Variants in PLEKHO2 observed in about 807,000 individuals in gnomAD.
PLEKHO2 encodes pleckstrin homology domain-containing family O member 2.
In PLEKHO2, 20 loss-of-function variants were observed where a neutral mutation model predicts 32.7. That is an observed-to-expected ratio of 0.61 (90% CI 0.43 to 0.89). PLEKHO2 has a LOEUF of 0.89. PLEKHO2 is among the 40% of genes least tolerant of loss of function. The probability of loss-of-function intolerance (pLI) is 0.00; values close to 1 mark genes in which losing one functional copy is unlikely to be tolerated. For missense variants in PLEKHO2, 568 were observed against 621.2 expected (o/e 0.91, Z 0.91); for synonymous variants, 247 against 246.3 (o/e 1.00, Z -0.03).
At chr15:64,855,154 G>A in intron 3 of PLEKHO2, 117 bp downstream of exon 3, 1 of 762,356 alleles carries the variant, frequency 1.3e-6, no homozygotes, top group Non-Finnish European at 2.2e-6. Context: ...GTTGCGTGTG[G>A]CTGAGGCTCA....
In PLEKHO2 at chr15:64,861,547, G is replaced by A. The variant is rs762075108; in HGVS notation, c.455G>A (p.Arg152Gln). 4.9e-5 allele frequency: 78 copies of A among 1,606,868 alleles called. No individual in the cohort carries two copies. The highest frequency in any genetic ancestry group is 6.6e-5 in the Non-Finnish European group (78 of 1,177,402). Residue 152 changes from arginine to glutamine, a missense_variant, in exon 5 of 6, where the codon CGG (arginine) becomes CAG (glutamine). Arg to Gln is a conservative substitution (Grantham distance 43). Transcript: ENST00000323544. ...CGGGTGCGAGGGGGCCAGCGACGCC[G>A]GCCACCAACGAGAGTCCACCTGAAG... is the stretch of plus-strand genomic sequence containing the variant. ...RDRVRGGQRR[R>Q]PPTRVHLKEV...
intron 2 of PLEKHO2, among the ~76,000 whole-genome samples, chr15:64,849,772 G>A (rs2084552989): frequency 6.7e-6 from 1 of 148,652 alleles, no homozygotes; most frequent in Non-Finnish European, 1.5e-5. Flanking sequence ...TGTGCATCTA[G>A]TGTGCAAGTC....
intron 3 of PLEKHO2, among the ~76,000 whole-genome samples, chr15:64,856,747 C>T (rs1464333016): frequency 1.3e-5 from 2 of 152,134 alleles, no homozygotes; most frequent in Admixed American, 6.5e-5. Context: ...GCTCAAGGGT[C>T]CCTGACCCTC....
intron 5 of PLEKHO2, among the ~76,000 whole-genome samples, chr15:64,863,513 G>A (rs1056254353): frequency 9.4e-6 from 1 of 106,016 alleles, no homozygotes; most frequent in South Asian, 4.1e-4. Flanking sequence ...CTGTGTGTGT[G>A]TGTGTTTGTG....
chr15:64,843,800 G>A (rs1944180889), intron 1 of PLEKHO2, among the ~76,000 whole-genome samples: 1 of 151,956 alleles, frequency 6.6e-6, no homozygotes, highest in Non-Finnish European at 1.5e-5. Flanking sequence ...GGCTGGTCTC[G>A]AACTCCTGAC....
At chr15:64,849,045 G>C (rs994752354) in intron 2 of PLEKHO2, among the ~76,000 whole-genome samples, 15 of 144,976 alleles carry the variant, frequency 1.0e-4, no homozygotes, top group Non-Finnish European at 1.6e-4. Context: ...GCGAGATCTC[G>C]GATCACTGCA....
intron 1 of PLEKHO2, among the ~76,000 whole-genome samples, chr15:64,844,900 G>A (rs2084511478): frequency 6.6e-6 from 1 of 152,162 alleles, no homozygotes; most frequent in African/African-American, 2.4e-5. Flanking sequence ...CTCTCAAGCA[G>A]GAGATTACCC....
At chr15:64,862,804 T>A (rs1318944451) in intron 5 of PLEKHO2, among the ~76,000 whole-genome samples, 1 of 152,154 alleles carries the variant, frequency 6.6e-6, no homozygotes, top group Non-Finnish European at 1.5e-5. Flanking sequence ...TACTTTAAGT[T>A]TTAGGGTACA....
chr15:64,853,158 A>T (rs1426399238), intron 2 of PLEKHO2, among the ~76,000 whole-genome samples: 1 of 151,584 alleles, frequency 6.6e-6, no homozygotes, highest in Non-Finnish European at 1.5e-5. Flanking sequence ...AAAAACAAAA[A>T]AAATTCGCAT....
chr15:64,853,423 C>T (rs1430440099), intron 2 of PLEKHO2, among the ~76,000 whole-genome samples: 1 of 151,440 alleles, frequency 6.6e-6, no homozygotes, highest in Admixed American at 6.6e-5. Context: ...ACTACAGGTG[C>T]CCGCCACCAC....
intron 5 of PLEKHO2, 129 bp from the exon 6 acceptor site, chr15:64,864,770 A>G: frequency 1.1e-6 from 1 of 940,620 alleles, no homozygotes; most frequent in East Asian, 2.5e-5. Context: ...AAGCCAGGAC[A>G]GAGGGAGGCT....
At chr15:64,863,837 G>A (rs1281240458) in intron 5 of PLEKHO2, among the ~76,000 whole-genome samples, 1 of 150,690 alleles carries the variant, frequency 6.6e-6, no homozygotes. Context: ...TCCGCTTCCA[G>A]GGTTCAAGCA....
In PLEKHO2 at chr15:64,863,924, G is replaced by A. The variant is rs181566226; in HGVS notation, c.484-975G>A. On this transcript the variant is annotated intron_variant, in intron 5 of 5. Coordinates refer to ENST00000323544, the MANE Select transcript of PLEKHO2 (RefSeq NM_025201.5). ...ACACCTGGCTAATTTTGTATTTTTA[G>A]TAGAGACGGGGTTTCTCCATGTTGC... Among the ~76,000 whole-genome samples, 5 of 152,228 alleles carry A rather than the reference G, an allele frequency of 3.3e-5. No homozygotes were observed. The East Asian group carries it at 9.7e-4, about 30-fold the overall frequency.
rs1300068341 is a variant in PLEKHO2, at chr15:64,854,906, T to C, written c.163-15T>C. The C allele has an allele frequency of 3.7e-6, 6 of 1,605,070 alleles. No homozygotes were observed. The South Asian group carries it at 5.5e-5, about 15-fold the overall frequency. ...GACTGTCACCAGCTCATGTCCCTTC[T>C]GTCTCCCTCCCCAGGATGATCAGAA... On this transcript the variant is annotated splice_polypyrimidine_tract_variant and intron_variant, in intron 2 of 5. Coordinates refer to ENST00000323544, the MANE Select transcript of PLEKHO2 (RefSeq NM_025201.5).
intron 2 of PLEKHO2, among the ~76,000 whole-genome samples, chr15:64,854,278 G>A (rs919247200): frequency 2.0e-5 from 3 of 152,196 alleles, no homozygotes; most frequent in African/African-American, 7.2e-5. Flanking sequence ...TAATGATGAG[G>A]CCTCCGAGTG....
At chr15:64,862,518 C>G (rs1453048549) in intron 5 of PLEKHO2, among the ~76,000 whole-genome samples, 1 of 151,954 alleles carries the variant, frequency 6.6e-6, no homozygotes, top group Non-Finnish European at 1.5e-5. Flanking sequence ...GGAGGAGACT[C>G]TTTTAGACCA....
At position 64,859,923 on chromosome 15, in the gene PLEKHO2, C is replaced by T. The variant is rs146324018; in HGVS notation, c.309C>T (p.Thr103=). 2,032 of 1,614,030 alleles carry T rather than the reference C, an allele frequency of 1.3e-3. 4 individuals are homozygous for T. The highest frequency in any genetic ancestry group is 1.6e-3 in the Non-Finnish European group (1,875 of 1,180,014). The part of the protein sequence containing the change: ...KVSDIKFQAP[T]GEEKESWIKA... ...GCGACATCAAATTCCAGGCACCCAC[C>T]GGGGAGGAGAAGGAATCCTGGATCA... Residue 103 remains threonine (T), a synonymous_variant, in exon 4 of 6, where the codon ACC becomes ACT. Coordinates refer to ENST00000323544, the MANE Select transcript of PLEKHO2 (RefSeq NM_025201.5).
rs1282999932 is a variant in PLEKHO2, at chr15:64,842,380, C to CTGTGTG, written c.12+353_12+354insGTGTGT. On this transcript the variant is annotated intron_variant, in intron 1 of 5. Transcript: ENST00000323544. ...ATTACCGTGGTCGGATCCTGACTCT[C>CTGTGTG]TCTCTCTCTCTGTGTGTGTGTGTGT... Among the ~76,000 whole-genome samples, 182 of 33,084 alleles carry CTGTGTG rather than the reference C, an allele frequency of 5.5e-3. 8 individuals are homozygous for CTGTGTG. The highest frequency in any genetic ancestry group is 0.011 in the African/African-American group (172 of 15,962). 21.7% of individuals were successfully genotyped at this position (33,084 alleles called of 152,430 possible).
chr15:64,846,527 C>T (rs552965267), intron 1 of PLEKHO2, among the ~76,000 whole-genome samples: 33 of 152,180 alleles, frequency 2.2e-4, no homozygotes, highest in Non-Finnish European at 3.8e-4. Context: ...TTGGCCAGGC[C>T]GATCTCAAAC....
Sources: allele counts gnomAD v4.1 joint callset (sites outside exome capture counted in the v4.1 genomes callset), GRCh38; gene constraint gnomAD v4.1.1; transcripts MANE v1.5; gene names NCBI Gene and HGNC (gene_info 2026-07-23, HGNC 2026-07-21).